NRXN3: variants seen among roughly 807,000 people sequenced by gnomAD.
The protein encoded by NRXN3 is neurexin 3.
Under a neutral mutation model 137.6 loss-of-function variants are expected in NRXN3, and 32 were observed. That is an observed-to-expected ratio of 0.23 (90% CI 0.18 to 0.31). The LOEUF is 0.31. Among genes scored for constraint, NRXN3 ranks in the 10% least tolerant of loss-of-function variants. The pLI, the probability that NRXN3 is intolerant of heterozygous loss-of-function variation, is 1.00. For synonymous variants in NRXN3, 798 were observed against 784.5 expected (o/e 1.02, Z -0.29); for missense variants, 1,574 against 2,062.5 (o/e 0.76, Z 4.59).
At chr14:79,083,456 C>T (rs6574489) in intron 15 of NRXN3, among the ~76,000 whole-genome samples, 139,787 of 152,184 alleles carry the variant, frequency 0.92, 65,103 homozygotes, top group Non-Finnish European at 0.99. Context: ...TTATATTGAG[C>T]GTTTGTAATG....
intron 4 of NRXN3, among the ~76,000 whole-genome samples, chr14:78,493,393 C>T (rs1011090902): frequency 4.0e-5 from 6 of 151,112 alleles, no homozygotes; most frequent in Admixed American, 6.6e-5. Flanking sequence ...CATGGTGGCA[C>T]GTGCCTATAA....
At chr14:79,837,589 T>C (rs980124064) in intron 20 of NRXN3, among the ~76,000 whole-genome samples, 2 of 152,114 alleles carry the variant, frequency 1.3e-5, no homozygotes, top group Non-Finnish European at 2.9e-5. Context: ...CCATCGTGGG[T>C]TTTTCCTTTG....
At chr14:78,252,585 C>G (rs527888935) in intron 2 of NRXN3, among the ~76,000 whole-genome samples, 1 of 152,308 alleles carries the variant, frequency 6.6e-6, no homozygotes, top group African/African-American at 2.4e-5. Flanking sequence ...GATCTGCTAG[C>G]TTGGTTCTCT....
At chr14:78,950,315 G>A (rs962841057) in intron 10 of NRXN3, among the ~76,000 whole-genome samples, 5 of 152,122 alleles carry the variant, frequency 3.3e-5, no homozygotes, top group African/African-American at 1.2e-4. Flanking sequence ...ATGGCTTGAG[G>A]TAGAGGTTTG....
chr14:78,837,578 G>A (rs1259825444), intron 10 of NRXN3, among the ~76,000 whole-genome samples: 9 of 151,974 alleles, frequency 5.9e-5, no homozygotes, highest in Non-Finnish European at 1.2e-4. Context: ...TTTGGAAAGA[G>A]CAAGTGTCCT....
chr14:79,431,741 G>A (rs1309199370), intron 15 of NRXN3, among the ~76,000 whole-genome samples: 2 of 151,888 alleles, frequency 1.3e-5, no homozygotes, highest in Non-Finnish European at 2.9e-5. Context: ...AATTTAAAAT[G>A]AACCTGCCTT....
chr14:79,782,423 A>G lies in NRXN3; in HGVS notation c.4015-22689A>G, dbSNP rs181968263. The stretch of plus-strand genomic sequence containing the variant: ...GTCATGGTAAGACTCTGTGTCATAT[A>G]TAAAGAGTATTCTGAGAGTAAAACA... On this transcript the variant is annotated intron_variant, in intron 19 of 20. Transcript: ENST00000335750. Among the ~76,000 whole-genome samples, 38 of 152,320 alleles carry G rather than the reference A, an allele frequency of 2.5e-4. No homozygotes were observed. The East Asian group carries it at 7.0e-3, about 28-fold the overall frequency.
At chr14:79,835,831 C>T (rs115571356) in intron 20 of NRXN3, among the ~76,000 whole-genome samples, 45 of 152,248 alleles carry the variant, frequency 3.0e-4, no homozygotes, top group African/African-American at 8.2e-4. Context: ...CATCCCTGCA[C>T]GGAGCACATG....
At chr14:79,144,090 C>T (rs929872250) in intron 15 of NRXN3, among the ~76,000 whole-genome samples, 5 of 152,142 alleles carry the variant, frequency 3.3e-5, no homozygotes, top group African/African-American at 9.7e-5. Context: ...GACACTCATC[C>T]GTCCCGTTGA....
At chr14:79,100,699 C>CTTGATGA (rs1174217687) in intron 15 of NRXN3, among the ~76,000 whole-genome samples, 1 of 152,168 alleles carries the variant, frequency 6.6e-6, no homozygotes, top group Non-Finnish European at 1.5e-5. Context: ...CCCCATGGGA[C>CTTGATGA]TTGATGATAG....
intron 15 of NRXN3, among the ~76,000 whole-genome samples, chr14:79,018,374 G>A (rs2099583454): frequency 6.6e-6 from 1 of 151,376 alleles, no homozygotes; most frequent in Non-Finnish European, 1.5e-5. Context: ...ACCTTTGATG[G>A]GAAAACTGGG....
intron 16 of NRXN3, among the ~76,000 whole-genome samples, chr14:79,566,102 G>T (rs1183455653): frequency 2.6e-5 from 4 of 152,070 alleles, no homozygotes; most frequent in African/African-American, 9.7e-5. Flanking sequence ...TGGCTTCTGA[G>T]CCTGACACCC....
At chr14:78,688,796 T>C (rs2098143819) in intron 6 of NRXN3, among the ~76,000 whole-genome samples, 1 of 151,930 alleles carries the variant, frequency 6.6e-6, no homozygotes, top group African/African-American at 2.4e-5. Flanking sequence ...GGAGGAGCCC[T>C]CTTCATAGAG....
chr14:78,484,166 A>G lies in NRXN3; in HGVS notation c.758-160954A>G, dbSNP rs925760274. ...TGTTAATGCAGCTGCGGAATAATAC[A>G]CTAGTGCCACAGAGTTTAATAATAG... On this transcript the variant is annotated intron_variant, in intron 4 of 20. Transcript: ENST00000335750. Among the ~76,000 whole-genome samples, 6 of 152,308 alleles carry G rather than the reference A, an allele frequency of 3.9e-5. No homozygotes were observed. In the East Asian group the frequency reaches 7.7e-4, roughly 20 times the overall value.
intron 15 of NRXN3, among the ~76,000 whole-genome samples, chr14:79,020,790 G>T (rs2099588308): frequency 6.6e-6 from 1 of 151,484 alleles, no homozygotes; most frequent in Middle Eastern, 3.4e-3. Context: ...TGTCCATATT[G>T]CAGGGTTTCC....
At chr14:79,684,716 T>A (rs1017100441) in intron 17 of NRXN3, among the ~76,000 whole-genome samples, 4 of 152,126 alleles carry the variant, frequency 2.6e-5, no homozygotes, top group South Asian at 2.1e-4. Context: ...AACAGAATTT[T>A]AAAAAATCAA....
intron 4 of NRXN3, among the ~76,000 whole-genome samples, chr14:78,406,582 A>C (rs541835549): frequency 2.6e-5 from 4 of 152,314 alleles, no homozygotes; most frequent in African/African-American, 9.6e-5. Flanking sequence ...ATAGCAGAGG[A>C]TTTAGAGAGG....
chr14:78,478,438 A>G (rs1469325207), intron 4 of NRXN3, among the ~76,000 whole-genome samples: 1 of 152,192 alleles, frequency 6.6e-6, no homozygotes, highest in Non-Finnish European at 1.5e-5. Flanking sequence ...ATAGCAAGTC[A>G]TTTTTATTAA....
At chr14:79,582,897 A>G (rs1459099602) in intron 16 of NRXN3, among the ~76,000 whole-genome samples, 2 of 152,180 alleles carry the variant, frequency 1.3e-5, no homozygotes, top group African/African-American at 4.8e-5. Context: ...AAACTGTTTT[A>G]TTACTGGTAC....
Sources: gnomAD v4.1 joint callset for allele counts (sites outside exome capture counted in the v4.1 genomes callset) on GRCh38, gnomAD v4.1.1 for gene constraint, MANE v1.5 for transcripts, NCBI Gene and HGNC (gene_info 2026-07-23, HGNC 2026-07-21) for gene names.